The following YES1 variants were observed in gnomAD, a reference collection of about 807,000 sequenced individuals.
YES1 encodes tyrosine-protein kinase Yes.
In YES1, 39 loss-of-function variants were observed where a neutral mutation model predicts 70.4. That is an observed-to-expected ratio of 0.55 (90% CI 0.43 to 0.72). The LOEUF (loss-of-function observed/expected upper bound fraction) is 0.72. YES1 is among the 30% of genes least tolerant of loss of function. The probability of loss-of-function intolerance (pLI) is 0.00; values close to 1 mark genes in which losing one functional copy is unlikely to be tolerated. For missense variants in YES1, 495 were observed against 644.8 expected, an observed-to-expected ratio of 0.77 and a Z score of 2.52; for synonymous variants, 198 against 218.6, an observed-to-expected ratio of 0.91 and a Z score of 0.83.
chr18:747,441 C>T (rs958283123), intron 4 of YES1, among the ~76,000 whole-genome samples: 4 of 152,084 alleles, frequency 2.6e-5, no homozygotes, highest in Non-Finnish European at 5.9e-5. Context: ...TGCACTCTAG[C>T]CTGGGCGACA....
At chr18:795,845 A>G (rs1031719328) in intron 1 of YES1, among the ~76,000 whole-genome samples, 34 of 151,814 alleles carry the variant, frequency 2.2e-4, no homozygotes, top group Admixed American at 6.6e-5. Flanking sequence ...AGGTGAAGCA[A>G]AACACCATGG....
intron 1 of YES1, among the ~76,000 whole-genome samples, chr18:757,358 C>T (rs532156117): frequency 6.6e-6 from 1 of 151,912 alleles, no homozygotes; most frequent in East Asian, 1.9e-4. Flanking sequence ...AAAAAATTAG[C>T]CGGGCGTGGT....
rs371999406 is a variant in YES1, at chr18:742,203, T to C, written c.1060+715A>G. Among the ~76,000 whole-genome samples the C allele has an allele frequency of 2.0e-4, 30 of 152,322 alleles. No individual in the cohort carries two copies. The East Asian group carries it at 5.0e-3, about 25-fold the overall frequency. ...GACTTACTAGTTCCTCTAAGTACCA[T>C]CTGCACAGGGAAAAAGAGGAAAGAG... On this transcript the variant is annotated intron_variant, in intron 8 of 11. Coordinates refer to ENST00000314574, the MANE Select transcript of YES1 (RefSeq NM_005433.4).
chr18:772,827 A>G lies in YES1; in HGVS notation c.-8-15992T>C, dbSNP rs116560648. 3.0e-3 allele frequency among the ~76,000 whole-genome samples: 458 copies of G among 152,230 alleles called. 1 individual carries two copies. Among genetic ancestry groups the G allele is most frequent in the African/African-American group, 0.011 (444 of 41,536 alleles). On this transcript the variant is annotated intron_variant, in intron 1 of 11. Transcript: ENST00000314574. Reference sequence around the variant, plus strand: ...TACCTCATAATTTCTACTTACTCATAATTTTTATTCATTTGTGGTCTGCTC... The same window carrying G: ...TACCTCATAATTTCTACTTACTCATGATTTTTATTCATTTGTGGTCTGCTC...
Position 793,200 on chromosome 18 carries a change from C to T in YES1, c.-9+18914G>A, listed in dbSNP as rs564455958. ...GACTACAGGCGCATGCCACCATGCC[C>T]GGATGATTTTTTGTATTTTTAGTAG... On this transcript the variant is annotated intron_variant, in intron 1 of 11. Coordinates refer to ENST00000314574, the MANE Select transcript of YES1 (RefSeq NM_005433.4). Among the ~76,000 whole-genome samples, 34 of 151,910 alleles carry T rather than the reference C, an allele frequency of 2.2e-4. No individual in the cohort carries two copies. In the East Asian group the frequency reaches 5.4e-3, roughly 24 times the overall value.
chr18:762,136 T>C lies in YES1; in HGVS notation c.-8-5301A>G, dbSNP rs537366578. On this transcript the variant is annotated intron_variant, in intron 1 of 11. Coordinates refer to ENST00000314574, the MANE Select transcript of YES1 (RefSeq NM_005433.4). ...GGGAGTTTGAGACCAGCCTGACCAA[T>C]GTGGAGAAACCCTGTCTCTACTAAA... Among the ~76,000 whole-genome samples the C allele has an allele frequency of 1.3e-4, 20 of 152,036 alleles. 1 individual carries two copies. Among genetic ancestry groups the C allele is most frequent in the South Asian group, 6.2e-4 (3 of 4,812 alleles).
At chr18:802,847 T>C (rs916289332) in intron 1 of YES1, among the ~76,000 whole-genome samples, 3 of 151,290 alleles carry the variant, frequency 2.0e-5, no homozygotes, top group Admixed American at 6.6e-5. Flanking sequence ...CTTCGGGAGG[T>C]TGAGGCAAGT....
intron 1 of YES1, among the ~76,000 whole-genome samples, chr18:786,739 A>G (rs1468948765): frequency 6.6e-6 from 1 of 152,218 alleles, no homozygotes; most frequent in Non-Finnish European, 1.5e-5. Context: ...TTTGCTGCAC[A>G]TCAAGTTTTT....
At position 723,260 on chromosome 18, in the gene YES1, T is replaced by G. The variant is rs1272554491; in HGVS notation, c.*1164A>C. 1.3e-5 allele frequency: 2 copies of G among 152,568 alleles called. No homozygotes were observed. The highest frequency in any genetic ancestry group is 2.9e-5 in the Non-Finnish European group (2 of 68,038). The allele number at this position is 152,568 out of a possible 1,614,324, so 9.5% of individuals were successfully genotyped here. A position where few individuals can be genotyped will look rare whatever the true frequency, so the allele number is the denominator to read the frequency against. ...TGTGTAAGAAAAATTAGTTTTATAG[T>G]TATACTTTATAACTCTTCAAAGTCT... is the stretch of plus-strand genomic sequence containing the variant. On this transcript the variant is annotated 3_prime_UTR_variant, in exon 12 of 12. Transcript: ENST00000314574.
chr18:792,494 T>TGTGA (rs1402302022), intron 1 of YES1, among the ~76,000 whole-genome samples: 1 of 151,874 alleles, frequency 6.6e-6, no homozygotes, highest in Non-Finnish European at 1.5e-5. Context: ...TGAATAGCAC[T>TGTGA]ATACTCCAGC....
chr18:794,141 A>ATATCACT (rs1555691412), intron 1 of YES1, among the ~76,000 whole-genome samples: 1 of 152,222 alleles, frequency 6.6e-6, no homozygotes, highest in Non-Finnish European at 1.5e-5. Context: ...AACCTGACAG[A>ATATCACT]TATCACTTAA....
At chr18:805,614 G>GA (rs1223105727) in intron 1 of YES1, among the ~76,000 whole-genome samples, 2 of 152,336 alleles carry the variant, frequency 1.3e-5, no homozygotes, top group East Asian at 1.9e-4. Flanking sequence ...TGTCAGAAAT[G>GA]AAACTAAAAT....
intron 1 of YES1, among the ~76,000 whole-genome samples, chr18:781,372 T>C (rs1324753215): frequency 6.6e-6 from 1 of 152,162 alleles, no homozygotes; most frequent in African/African-American, 2.4e-5. Context: ...ACTGTTTTCA[T>C]AAACGCTTGG....
rs2079993189 is a variant in YES1, at chr18:724,394, G to T, written c.*30C>A. ...TACACAAGTTCTTTATATTTTGGCAGATTTGTGCATATAAAATAGGCTACT... is the reference window on the plus strand; with the variant it reads ...TACACAAGTTCTTTATATTTTGGCATATTTGTGCATATAAAATAGGCTACT... On this transcript the variant is annotated 3_prime_UTR_variant, in exon 12 of 12. Coordinates refer to ENST00000314574, the MANE Select transcript of YES1 (RefSeq NM_005433.4). 6.3e-7 allele frequency: 1 copy of T among 1,589,580 alleles called. No homozygotes were observed. Among genetic ancestry groups the T allele is most frequent in the Non-Finnish European group, 8.6e-7 (1 of 1,160,684 alleles).
At chr18:800,368 T>C (rs1906756783) in intron 1 of YES1, among the ~76,000 whole-genome samples, 1 of 152,256 alleles carries the variant, frequency 6.6e-6, no homozygotes, top group Non-Finnish European at 1.5e-5. Context: ...GGAGCTTACA[T>C]TCCAGTGGCA....
intron 1 of YES1, among the ~76,000 whole-genome samples, chr18:801,572 T>A (rs919314793): frequency 6.6e-6 from 1 of 152,212 alleles, no homozygotes; most frequent in East Asian, 1.9e-4. Flanking sequence ...TCCATCTATT[T>A]CTACTAACTC....
At chr18:799,603 G>A (rs1906715640) in intron 1 of YES1, among the ~76,000 whole-genome samples, 1 of 152,190 alleles carries the variant, frequency 6.6e-6, no homozygotes, top group African/African-American at 2.4e-5. Flanking sequence ...AGCAACTCAG[G>A]AGGCTGAGGC....
intron 1 of YES1, among the ~76,000 whole-genome samples, chr18:776,777 G>A (rs1426003511): frequency 6.6e-6 from 1 of 152,104 alleles, no homozygotes; most frequent in Non-Finnish European, 1.5e-5. Flanking sequence ...ACCCAAGGAG[G>A]TTCTAAAATG....
intron 4 of YES1, among the ~76,000 whole-genome samples, chr18:747,594 A>C (rs1598902436): frequency 6.6e-6 from 1 of 152,288 alleles, no homozygotes; most frequent in African/African-American, 2.4e-5. Flanking sequence ...CAAGGCAGGG[A>C]ATGAGGATAA....
Sources: gnomAD v4.1 joint callset for allele counts (sites outside exome capture counted in the v4.1 genomes callset) on GRCh38, gnomAD v4.1.1 for gene constraint, MANE v1.5 for transcripts, NCBI Gene and HGNC (gene_info 2026-07-23, HGNC 2026-07-21) for gene names.